RASGEF1B: variants seen among roughly 807,000 people sequenced by gnomAD.
The protein encoded by RASGEF1B is ras-GEF domain-containing family member 1B.
Under a neutral mutation model 65.7 loss-of-function variants are expected in RASGEF1B, and 30 were observed. That is an observed-to-expected ratio of 0.46 (90% CI 0.34 to 0.62). RASGEF1B has a LOEUF of 0.62. RASGEF1B is among the 20% of genes least tolerant of loss of function. The pLI is 0.01. For synonymous variants in RASGEF1B, 175 were observed against 194.8 expected (o/e 0.90, Z 0.85); for missense variants, 495 against 580.1 (o/e 0.85, Z 1.51).
rs753996501 is a variant in RASGEF1B at position 81,459,399 on chromosome 4, T to C, written c.110A>G (p.Asn37Ser). 7.4e-6 allele frequency: 12 copies of C among 1,613,534 alleles called. No homozygotes were observed. Among genetic ancestry groups the C allele is most frequent in the East Asian group, 2.2e-5 (1 of 44,844 alleles). The change falls in exon 2 of 14, where the codon AAC becomes AGC. Residue 37 changes from asparagine (N) to serine (S), a missense_variant. Physicochemically the swap from Asn to Ser is conservative, Grantham distance 46. Coordinates refer to ENST00000264400, the MANE Select transcript of RASGEF1B (RefSeq NM_152545.3). ...TGCTTCCAGGGATCCAGAGAGGAGG[T>C]TGTTGTCATGGTAATACAACCCTCC... ...SCGGLYYHDN[N>S]LLSGSLEALI...
At chr4:81,439,991 C>A (rs1312150496) in intron 10 of RASGEF1B, among the ~76,000 whole-genome samples, 2 of 152,156 alleles carry the variant, frequency 1.3e-5, no homozygotes, top group African/African-American at 4.8e-5. Flanking sequence ...TGAGGCCGAA[C>A]CTTTTTCAGG....
chr4:81,440,972 T>A, intron 9 of RASGEF1B, 43 bp from the exon 10 acceptor site: 1 of 1,304,364 alleles, frequency 7.7e-7, no homozygotes, highest in Non-Finnish European at 1.1e-6. Context: ...TTATTTATTG[T>A]AAACTTCTGT....
At chr4:81,470,862 G>C (rs1289004720) in intron 1 of RASGEF1B, among the ~76,000 whole-genome samples, 4 of 152,168 alleles carry the variant, frequency 2.6e-5, no homozygotes, top group African/African-American at 9.7e-5. Flanking sequence ...GGGCAAGACA[G>C]CAAGCAGTAT....
chr4:81,444,341 C>T (rs1003957791), intron 8 of RASGEF1B, among the ~76,000 whole-genome samples: 16 of 152,146 alleles, frequency 1.1e-4, no homozygotes, highest in Middle Eastern at 3.4e-3. Flanking sequence ...GCTATTTTCA[C>T]AGAGTTAGTC....
chr4:81,456,412 G>A lies in RASGEF1B; in HGVS notation c.438+239C>T, dbSNP rs1722440809. On this transcript the variant is annotated intron_variant, in intron 4 of 13. Transcript: ENST00000264400. ...CTTGCAACATAAATCCTGTGCATGAGTTGACATGAACATAGCCCCAAATTA... is the reference window on the plus strand; with the variant it reads ...CTTGCAACATAAATCCTGTGCATGAATTGACATGAACATAGCCCCAAATTA... The A allele has an allele frequency of 9.5e-6, 6 of 628,978 alleles. No individual in the cohort carries two copies. The East Asian group carries it at 1.4e-4, about 14-fold the overall frequency. The allele number at this position is 628,978 out of a possible 1,614,324, so 39.0% of individuals were successfully genotyped here.
At chr4:81,466,765 AAAAAAAAAG>A (rs1722828609) in intron 1 of RASGEF1B, among the ~76,000 whole-genome samples, 1 of 133,288 alleles carries the variant, frequency 7.5e-6, no homozygotes, top group Non-Finnish European at 1.6e-5. Context: ...TGTCAAAAAA[AAAAAAAAAG>A]AAAGAAAGAA....
chr4:81,427,520 T>C lies in RASGEF1B; in HGVS notation c.*248A>G. 1 of 460,048 alleles carries C rather than the reference T, an allele frequency of 2.2e-6. No homozygotes were observed. The highest frequency in any genetic ancestry group is 4.0e-5 in the Admixed American group (1 of 25,292). The allele number at this position is 460,048 out of a possible 1,614,324, so 28.5% of individuals were successfully genotyped here. A position where few individuals can be genotyped will look rare whatever the true frequency, so the allele number is the denominator to read the frequency against. ...GAATAATGTGCAGAGCCGGGATTTT[T>C]AGAGGATTCTTTCTCAAGTGTCTTC... is the stretch of plus-strand genomic sequence containing the variant. On this transcript the variant is annotated 3_prime_UTR_variant, in exon 14 of 14. Transcript: ENST00000264400.
chr4:81,445,718 G>A (rs1423401506), intron 7 of RASGEF1B, 25 bp downstream of exon 7: 1 of 1,601,188 alleles, frequency 6.2e-7, no homozygotes, highest in Admixed American at 1.7e-5. Context: ...TTGAGAACTA[G>A]GAGACAGAAA....
Position 81,432,346 on chromosome 4 carries a change from A to G in RASGEF1B, c.1350T>C (p.Ser450=). 5 of 1,610,078 alleles carry G rather than the reference A, an allele frequency of 3.1e-6. No homozygotes were observed. The highest frequency in any genetic ancestry group is 4.2e-6 in the Non-Finnish European group (5 of 1,176,896). The change falls in exon 13 of 14, where the codon AGT becomes AGC. Residue 450 remains serine (S), a synonymous_variant. Transcript: ENST00000264400. ...EDALYLASYE[S]EGPENHIEKD... is the part of the protein sequence containing the mutation. ...TCTCTATATGATTTTCAGGTCCTTC[A>G]CTCTCATAAGAAGCCAAGTAGAGAG...
In RASGEF1B at chr4:81,448,228, A is replaced by G. The variant is rs750177769; in HGVS notation, c.495T>C (p.Ala165=). The G allele has an allele frequency of 6.2e-7, 1 of 1,613,680 alleles. No homozygotes were observed. The highest frequency in any genetic ancestry group is 8.5e-7 in the Non-Finnish European group (1 of 1,180,036). The change falls in exon 5 of 14, where the codon GCT becomes GCC. Residue 165 remains alanine (A), a synonymous_variant. Coordinates refer to ENST00000264400, the MANE Select transcript of RASGEF1B (RefSeq NM_152545.3). ...QMMQCLIRKL[A]ALSQYEEVLA... ...GGACTTCTTCGTACTGGCTGAGCGCAGCAAGCTTGCGGATCAGACACTGCA... is the reference window on the plus strand; with the variant it reads ...GGACTTCTTCGTACTGGCTGAGCGCGGCAAGCTTGCGGATCAGACACTGCA...
intron 13 of RASGEF1B, among the ~76,000 whole-genome samples, chr4:81,431,089 C>T (rs1373833167): frequency 1.3e-5 from 2 of 151,964 alleles, no homozygotes; most frequent in Non-Finnish European, 2.9e-5. Context: ...AGGAGTAATT[C>T]TCAAATCTTT....
intron 6 of RASGEF1B, among the ~76,000 whole-genome samples, chr4:81,446,568 T>C (rs1166720006): frequency 6.6e-6 from 1 of 152,210 alleles, no homozygotes; most frequent in Non-Finnish European, 1.5e-5. Flanking sequence ...CATTTTCTCT[T>C]AAAATTAAGC....
intron 4 of RASGEF1B, chr4:81,455,390 A>T (rs1722408893): frequency 6.6e-6 from 1 of 152,240 alleles, no homozygotes; most frequent in Non-Finnish European, 1.5e-5. Context: ...GTGAGCCATG[A>T]TCGCAACTCT....
At chr4:81,470,279 T>C (rs1207000777) in intron 1 of RASGEF1B, among the ~76,000 whole-genome samples, 1 of 152,184 alleles carries the variant, frequency 6.6e-6, no homozygotes, top group Non-Finnish European at 1.5e-5. Context: ...GGACCAGTTA[T>C]TTTCACCCAA....
At position 81,459,368 on chromosome 4, in the gene RASGEF1B, G is replaced by A. The variant is rs1021892103; in HGVS notation, c.141C>T (p.Ile47=). 2.5e-6 allele frequency: 4 copies of A among 1,611,702 alleles called. No individual in the cohort carries two copies. The highest frequency in any genetic ancestry group is 1.3e-5 in the African/African-American group (1 of 74,786). Residue 47 remains isoleucine (I), a synonymous_variant, in exon 2 of 14, where the codon ATC becomes ATT. Transcript: ENST00000264400. Reference sequence around the variant, plus strand: ...AATCCACATTAGGTACTAAGTGCTGGATGAGTGCTTCCAGGGATCCAGAGA... The same window carrying A: ...AATCCACATTAGGTACTAAGTGCTGAATGAGTGCTTCCAGGGATCCAGAGA... ...NLLSGSLEAL[I]QHLVPNVDYY...
chr4:81,458,378 C>T (rs1722525329), intron 2 of RASGEF1B, among the ~76,000 whole-genome samples: 1 of 152,116 alleles, frequency 6.6e-6, no homozygotes, highest in African/African-American at 2.4e-5. Context: ...ACAAGGGATT[C>T]CTTTTACTTT....
In RASGEF1B at chr4:81,447,515, C is replaced by T. The variant is rs1185952323; in HGVS notation, c.718G>A (p.Asp240Asn). ...VQAFVQKDPLDNDKSCYSERK... is the reference protein window; with the variant it reads ...VQAFVQKDPLNNDKSCYSERK... The stretch of plus-strand genomic sequence containing the variant: ...GGTAGACTGATTACCTTGTCATTAT[C>T]CAAAGGGTCCTTCTGCACGAACGCC... Residue 240 changes from aspartate (D) to asparagine (N), a missense_variant, in exon 6 of 14, where the codon GAT (aspartate) becomes AAT (asparagine). Coordinates refer to ENST00000264400, the MANE Select transcript of RASGEF1B (RefSeq NM_152545.3). 6.2e-7 allele frequency: 1 copy of T among 1,613,806 alleles called. No homozygotes were observed. Among genetic ancestry groups the T allele is most frequent in the East Asian group, 2.2e-5 (1 of 44,868 alleles).
At chr4:81,464,990 G>A (rs1435767152) in intron 1 of RASGEF1B, among the ~76,000 whole-genome samples, 9 of 151,732 alleles carry the variant, frequency 5.9e-5, no homozygotes, top group Non-Finnish European at 8.8e-5. Context: ...AGGCTGAGGC[G>A]GGAGAATCGC....
Position 81,459,529 on chromosome 4 carries a change from AAAG to A in RASGEF1B, c.-6-18_-6-16del, listed in dbSNP as rs779414210. Reference sequence around the variant, plus strand: ...GGCATACTTTCCTAAAAGGAATAAAAAAGAAGAAAAAATAATGTCAGCAATATG... The same window carrying A: ...GGCATACTTTCCTAAAAGGAATAAAAAAGAAAAAATAATGTCAGCAATATG... On this transcript the variant is annotated splice_polypyrimidine_tract_variant and intron_variant, in intron 1 of 13. Coordinates refer to ENST00000264400, the MANE Select transcript of RASGEF1B (RefSeq NM_152545.3). 1 of 1,539,912 alleles carries A rather than the reference AAAG, an allele frequency of 6.5e-7. No individual in the cohort carries two copies. The highest frequency in any genetic ancestry group is 1.3e-5 in the South Asian group (1 of 79,244).
Sources: gnomAD v4.1 joint callset for allele counts (sites outside exome capture counted in the v4.1 genomes callset) on GRCh38, gnomAD v4.1.1 for gene constraint, MANE v1.5 for transcripts, NCBI Gene and HGNC (gene_info 2026-07-23, HGNC 2026-07-21) for gene names.